Variants in KCNIP4 observed in about 807,000 individuals in gnomAD.
KCNIP4 encodes the protein Kv channel-interacting protein 4.
In KCNIP4, 12 loss-of-function variants were observed where a neutral mutation model predicts 34.0. The observed-to-expected ratio is 0.35, with a 90% CI of 0.23 to 0.57. The LOEUF (loss-of-function observed/expected upper bound fraction) is 0.57. Among genes scored for constraint, KCNIP4 ranks in the 20% least tolerant of loss-of-function variants. KCNIP4 has a pLI of 0.83. For synonymous variants in KCNIP4, 124 were observed against 102.2 expected, an observed-to-expected ratio of 1.21 and a Z score of -1.29; for missense variants, 238 against 311.7, an observed-to-expected ratio of 0.76 and a Z score of 1.78.
intron 1 of KCNIP4, among the ~76,000 whole-genome samples, chr4:21,329,087 T>C (rs2109319316): frequency 6.6e-6 from 1 of 152,350 alleles, no homozygotes; most frequent in African/African-American, 2.4e-5. Context: ...TTCCTCAGTC[T>C]TGCAAAAGCA....
chr4:21,939,701 C>G (rs1730087839), intron 1 of KCNIP4, among the ~76,000 whole-genome samples: 1 of 152,066 alleles, frequency 6.6e-6, no homozygotes, highest in Non-Finnish European at 1.5e-5. Context: ...AACAGATAAC[C>G]ACTGCAATAA....
At chr4:21,047,466 A>G (rs1742533887) in intron 1 of KCNIP4, among the ~76,000 whole-genome samples, 1 of 152,188 alleles carries the variant, frequency 6.6e-6, no homozygotes, top group African/African-American at 2.4e-5. Context: ...CACATCCTAC[A>G]ATAATGCAGC....
chr4:21,461,965 T>C (rs1023602874), intron 1 of KCNIP4, among the ~76,000 whole-genome samples: 2 of 152,068 alleles, frequency 1.3e-5, no homozygotes, highest in African/African-American at 4.8e-5. Context: ...AATGTTTCAA[T>C]ATATGTATAT....
intron 1 of KCNIP4, among the ~76,000 whole-genome samples, chr4:21,618,635 T>C (rs1176388405): frequency 4.4e-5 from 6 of 137,042 alleles, no homozygotes; most frequent in South Asian, 2.5e-4. Context: ...TTTTTCTTTT[T>C]TTTTTTTTTT....
chr4:21,272,041 T>G (rs1762180061), intron 1 of KCNIP4, among the ~76,000 whole-genome samples: 1 of 152,184 alleles, frequency 6.6e-6, no homozygotes, highest in Non-Finnish European at 1.5e-5. Context: ...TCAAGTAGCA[T>G]TTTTATTTGA....
intron 1 of KCNIP4, among the ~76,000 whole-genome samples, chr4:20,905,513 T>TC: frequency 3.4e-5 from 3 of 88,558 alleles, no homozygotes. Flanking sequence ...TTCTTTCTTT[T>TC]TTTTTTTTTT....
Position 20,959,643 on chromosome 4 carries a change from G to T in KCNIP4, c.62-76934C>A, listed in dbSNP as rs142068014. 2.0e-5 allele frequency among the ~76,000 whole-genome samples: 3 copies of T among 152,226 alleles called. No individual in the cohort carries two copies. In the East Asian group the frequency reaches 5.8e-4, roughly 29 times the overall value. On this transcript the variant is annotated intron_variant, in intron 1 of 8. Transcript: ENST00000382152. The stretch of plus-strand genomic sequence containing the variant: ...CCCCAGCTCCAGTAAACAGTTAGTT[G>T]CTCTATCTTTTGTTTTAATTACACC...
intron 2 of KCNIP4, among the ~76,000 whole-genome samples, chr4:20,879,194 G>T (rs1405034789): frequency 6.6e-6 from 1 of 152,268 alleles, no homozygotes; most frequent in Admixed American, 6.5e-5. Flanking sequence ...TCACAGCCAA[G>T]GTACTGCTGA....
chr4:21,285,454 G>C (rs556369537), intron 1 of KCNIP4, among the ~76,000 whole-genome samples: 1 of 151,978 alleles, frequency 6.6e-6, no homozygotes, highest in Non-Finnish European at 1.5e-5. Context: ...AACCATAAAG[G>C]CAAGAAAAAT....
chr4:21,148,018 C>T (rs1438041315), intron 1 of KCNIP4, among the ~76,000 whole-genome samples: 1 of 142,968 alleles, frequency 7.0e-6, no homozygotes, highest in Non-Finnish European at 1.5e-5. Context: ...AAATCAAGTA[C>T]TATTTTTATG....
At chr4:21,682,294 C>G (rs1367611165) in intron 1 of KCNIP4, among the ~76,000 whole-genome samples, 1 of 152,090 alleles carries the variant, frequency 6.6e-6, no homozygotes, top group African/African-American at 2.4e-5. Flanking sequence ...AGAAATCCAC[C>G]CCATAATCCA....
At chr4:21,646,911 T>C (rs56297743) in intron 1 of KCNIP4, among the ~76,000 whole-genome samples, 2,698 of 152,276 alleles carry the variant, frequency 0.018, 91 homozygotes, top group African/African-American at 0.062. Context: ...AATTTAGATT[T>C]ACAATTTTAT....
At chr4:21,762,774 T>A in intron 1 of KCNIP4, 2 of 469,718 alleles carry the variant, frequency 4.3e-6, no homozygotes, top group Non-Finnish European at 6.8e-6. Context: ...CCACGAGTCA[T>A]CAAAACCATC....
At chr4:20,865,303 A>G (rs1472517329) in intron 2 of KCNIP4, among the ~76,000 whole-genome samples, 2 of 152,128 alleles carry the variant, frequency 1.3e-5, no homozygotes, top group Non-Finnish European at 2.9e-5. Flanking sequence ...GACAAAAGTC[A>G]GTGGCTAACT....
At position 21,801,639 on chromosome 4, in the gene KCNIP4, C is replaced by T. The variant is rs759057301; in HGVS notation, c.61+146932G>A. Among the ~76,000 whole-genome samples the T allele has an allele frequency of 2.6e-4, 39 of 151,936 alleles. 1 individual carries two copies. Among genetic ancestry groups the T allele is most frequent in the Admixed American group, 1.0e-3 (16 of 15,244 alleles). ...ATTATTATTTTTTGAGATGGAGTCTCGCTCTGTCACCCCGGCTGGAGTGCA... is the reference window on the plus strand; with the variant it reads ...ATTATTATTTTTTGAGATGGAGTCTTGCTCTGTCACCCCGGCTGGAGTGCA... On this transcript the variant is annotated intron_variant, in intron 1 of 8. Transcript: ENST00000382152.
At chr4:20,769,779 T>C (rs1227338128) in intron 3 of KCNIP4, among the ~76,000 whole-genome samples, 1 of 152,194 alleles carries the variant, frequency 6.6e-6, no homozygotes, top group African/African-American at 2.4e-5. Context: ...TCTGTGGTTG[T>C]AGGGCCCAGG....
At chr4:20,865,662 T>C (rs1168906684) in intron 2 of KCNIP4, among the ~76,000 whole-genome samples, 1 of 151,984 alleles carries the variant, frequency 6.6e-6, no homozygotes, top group Non-Finnish European at 1.5e-5. Flanking sequence ...AAAAAAATGT[T>C]GAATACACAG....
At chr4:21,183,040 C>T (rs1161084617) in intron 1 of KCNIP4, among the ~76,000 whole-genome samples, 1 of 152,078 alleles carries the variant, frequency 6.6e-6, no homozygotes, top group African/African-American at 2.4e-5. Flanking sequence ...TGTTAATCAC[C>T]GTTTTACTTT....
chr4:21,803,393 C>T (rs1281255611), intron 1 of KCNIP4, among the ~76,000 whole-genome samples: 3 of 152,208 alleles, frequency 2.0e-5, no homozygotes, highest in Non-Finnish European at 4.4e-5. Context: ...CCACATCCAA[C>T]GTGGATCCTC....
Sources: gnomAD v4.1 joint callset for allele counts (sites outside exome capture counted in the v4.1 genomes callset) on GRCh38, gnomAD v4.1.1 for gene constraint, MANE v1.5 for transcripts, NCBI Gene and HGNC (gene_info 2026-07-23, HGNC 2026-07-21) for gene names.